Variants in CHN1 observed in about 807,000 individuals in gnomAD.
The protein encoded by CHN1 is N-chimaerin.
A neutral mutation model predicts 59.5 loss-of-function variants in CHN1; 37 were observed. The ratio of observed to expected loss-of-function variants is 0.62; its 90% CI spans 0.48 to 0.82. CHN1 has a LOEUF of 0.82. Among genes scored for constraint, CHN1 ranks in the 40% least tolerant of loss-of-function variants. CHN1 has a pLI of 0.00. For synonymous variants in CHN1, 206 were observed against 200.4 expected (o/e 1.03, Z -0.24); for missense variants, 469 against 571.0 (o/e 0.82, Z 1.82).
intron 7 of CHN1, among the ~76,000 whole-genome samples, chr2:174,827,063 C>T (rs1027394578): frequency 7.9e-5 from 12 of 151,974 alleles, no homozygotes; most frequent in African/African-American, 2.9e-4. Context: ...TAACTGGATT[C>T]CCTTTTGAAT....
intron 6 of CHN1, among the ~76,000 whole-genome samples, chr2:174,857,976 G>T (rs1282650968): frequency 6.6e-6 from 1 of 152,112 alleles, no homozygotes; most frequent in Non-Finnish European, 1.5e-5. Flanking sequence ...GACTCAGATT[G>T]ATATTATTAG....
intron 5 of CHN1, among the ~76,000 whole-genome samples, chr2:174,887,925 A>G (rs1212241270): frequency 6.6e-6 from 1 of 152,224 alleles, no homozygotes; most frequent in Non-Finnish European, 1.5e-5. Context: ...TAAGGAAACC[A>G]AGATGTACAA....
chr2:174,937,225 T>C (rs550635752), intron 3 of CHN1, among the ~76,000 whole-genome samples: 8 of 152,262 alleles, frequency 5.3e-5, no homozygotes, highest in African/African-American at 1.9e-4. Context: ...ACAGAATTCA[T>C]CACCAAAACA....
chr2:174,846,012 A>C (rs944824949), intron 7 of CHN1, among the ~76,000 whole-genome samples: 2 of 152,142 alleles, frequency 1.3e-5, no homozygotes, highest in African/African-American at 4.8e-5. Context: ...ACTTTGTCTA[A>C]ACTAAGAACA....
chr2:174,916,740 G>A (rs10165643), intron 4 of CHN1, among the ~76,000 whole-genome samples: 71,294 of 152,004 alleles, frequency 0.47, 17,509 homozygotes, highest in African/African-American at 0.6. Context: ...AAATTTCCCA[G>A]TCTTTGAGAA....
chr2:174,897,100 A>C (rs984675651), intron 5 of CHN1, among the ~76,000 whole-genome samples: 1 of 152,158 alleles, frequency 6.6e-6, no homozygotes, highest in Non-Finnish European at 1.5e-5. Context: ...GTGTTCTGGC[A>C]AAATTTGGGT....
intron 6 of CHN1, chr2:174,847,715 T>C (rs1686576841): frequency 9.1e-7 from 1 of 1,096,954 alleles, no homozygotes; most frequent in Non-Finnish European, 1.2e-6. Context: ...ATTCCTAAAC[T>C]CACTCTGTCT....
At chr2:174,832,972 C>T (rs1260564664) in intron 7 of CHN1, among the ~76,000 whole-genome samples, 1 of 151,994 alleles carries the variant, frequency 6.6e-6, no homozygotes, top group African/African-American at 2.4e-5. Context: ...TCTTATGGGA[C>T]CACTGTCATA....
At chr2:175,001,798 T>A (rs951358303) in intron 1 of CHN1, among the ~76,000 whole-genome samples, 2 of 152,212 alleles carry the variant, frequency 1.3e-5, no homozygotes, top group Admixed American at 6.5e-5. Flanking sequence ...GCTGGCAGAA[T>A]GCTTATTCAC....
chr2:174,944,360 G>C (rs1382648365), intron 3 of CHN1, among the ~76,000 whole-genome samples: 2 of 152,088 alleles, frequency 1.3e-5, no homozygotes, highest in Non-Finnish European at 2.9e-5. Context: ...AGTATATTCT[G>C]AGCTTTTAAC....
chr2:174,905,805 G>T (rs538893657), intron 5 of CHN1, among the ~76,000 whole-genome samples: 16 of 152,166 alleles, frequency 1.1e-4, no homozygotes, highest in African/African-American at 3.1e-4. Flanking sequence ...TGATCTACCC[G>T]CTTCGGCCTC....
intron 5 of CHN1, among the ~76,000 whole-genome samples, chr2:174,912,447 G>A (rs1201096085): frequency 6.6e-6 from 1 of 152,194 alleles, no homozygotes; most frequent in Non-Finnish European, 1.5e-5. Context: ...GCACATTTGG[G>A]AGAAAAGTGT....
chr2:174,831,549 G>A (rs531335477), intron 7 of CHN1, among the ~76,000 whole-genome samples: 63 of 151,998 alleles, frequency 4.1e-4, no homozygotes, highest in African/African-American at 1.5e-3. Flanking sequence ...TATGCTACAA[G>A]GTACAGATTG....
At chr2:174,914,303 C>G (rs1306409073) in intron 5 of CHN1, among the ~76,000 whole-genome samples, 1 of 152,128 alleles carries the variant, frequency 6.6e-6, no homozygotes, top group Non-Finnish European at 1.5e-5. Flanking sequence ...TGTTTCTGGG[C>G]ACTGTACTGT....
chr2:174,823,709 A>G (rs953437369), intron 8 of CHN1, among the ~76,000 whole-genome samples: 10 of 152,162 alleles, frequency 6.6e-5, no homozygotes, highest in African/African-American at 2.2e-4. Context: ...AATGGCCAGT[A>G]TTCAGTATAG....
intron 2 of CHN1, among the ~76,000 whole-genome samples, chr2:174,946,471 T>A (rs1228781903): frequency 6.6e-6 from 1 of 152,188 alleles, no homozygotes; most frequent in Non-Finnish European, 1.5e-5. Context: ...TAGAAATGTA[T>A]TCCTTTACCT....
intron 6 of CHN1, among the ~76,000 whole-genome samples, chr2:174,872,358 G>C (rs1449986097): frequency 6.6e-6 from 1 of 151,144 alleles, no homozygotes; most frequent in Non-Finnish European, 1.5e-5. Flanking sequence ...AGACTATTTA[G>C]AAAATGAAAT....
chr2:174,809,299 TTAAAA>T (rs974787636), intron 10 of CHN1, among the ~76,000 whole-genome samples: 4 of 152,326 alleles, frequency 2.6e-5, no homozygotes, highest in Admixed American at 6.5e-5. Flanking sequence ...ATAGCCCTTA[TTAAAA>T]TAAAATCAAT....
chr2:174,849,416 G>C (rs1198400670), intron 6 of CHN1, among the ~76,000 whole-genome samples: 1 of 152,194 alleles, frequency 6.6e-6, no homozygotes, highest in Non-Finnish European at 1.5e-5. Flanking sequence ...GAAAACAACA[G>C]CTTAGGATGA....
Sources: allele counts gnomAD v4.1 joint callset (sites outside exome capture counted in the v4.1 genomes callset), GRCh38; gene constraint gnomAD v4.1.1; transcripts MANE v1.5; gene names NCBI Gene and HGNC (gene_info 2026-07-23, HGNC 2026-07-21).